Variants in KRCC1 observed in about 807,000 individuals in gnomAD.
The protein encoded by KRCC1 is lysine rich coiled-coil 1, also known as lysine-rich coiled-coil protein 1.
KRCC1 carries 3 observed loss-of-function variants against 7.4 expected under a neutral mutation model. That is an observed-to-expected ratio of 0.40 (90% CI 0.18 to 1.04). KRCC1 has a LOEUF of 1.04. Among genes scored for constraint, KRCC1 ranks in the 50% least tolerant of loss-of-function variants. KRCC1 has a pLI of 0.33. For synonymous variants in KRCC1, 102 were observed against 101.6 expected (o/e 1.00, Z -0.02); for missense variants, 277 against 300.9 (o/e 0.92, Z 0.59).
intron 3 of KRCC1, among the ~76,000 whole-genome samples, chr2:88,033,552 A>C (rs1436135190): frequency 6.6e-6 from 1 of 152,230 alleles, no homozygotes; most frequent in Non-Finnish European, 1.5e-5. Flanking sequence ...AATAAGATTT[A>C]AAAGATGTTG....
intron 1 of KRCC1, among the ~76,000 whole-genome samples, chr2:88,054,197 A>G (rs757695131): frequency 1.3e-5 from 2 of 152,160 alleles, no homozygotes; most frequent in Admixed American, 6.5e-5. Context: ...AGCTCTCCCC[A>G]TCCTTGGAGA....
chr2:88,051,861 A>T (rs1051610261), intron 1 of KRCC1, among the ~76,000 whole-genome samples: 7 of 152,246 alleles, frequency 4.6e-5, no homozygotes, highest in African/African-American at 1.7e-4. Context: ...TAAAGCTGTA[A>T]AAGAACTGAG....
In KRCC1 at chr2:88,027,386, G is replaced by A; in HGVS notation, c.*398C>T. The A allele has an allele frequency of 6.2e-6, 1 of 160,488 alleles. No homozygotes were observed. The allele number at this position is 160,488 out of a possible 1,614,324, so 9.9% of individuals were successfully genotyped here. ...TAAAGGAGAAAAAAATTGCTTCACAGAGAAAAACCAATGAACATAAAATAC... is the reference window on the plus strand; with the variant it reads ...TAAAGGAGAAAAAAATTGCTTCACAAAGAAAAACCAATGAACATAAAATAC... On this transcript the variant is annotated 3_prime_UTR_variant, in exon 4 of 4. Coordinates refer to ENST00000347055, the MANE Select transcript of KRCC1 (RefSeq NM_016618.3).
intron 1 of KRCC1, among the ~76,000 whole-genome samples, chr2:88,038,584 G>C (rs1379571523): frequency 1.3e-5 from 2 of 152,308 alleles, no homozygotes; most frequent in East Asian, 3.9e-4. Flanking sequence ...GTATTGGTCT[G>C]TTCTTACACT....
chr2:88,030,482 T>C lies in KRCC1; in HGVS notation c.-22-1897A>G, dbSNP rs867604060. On this transcript the variant is annotated intron_variant, in intron 3 of 3. Transcript: ENST00000347055. The stretch of plus-strand genomic sequence containing the variant: ...AATGTAACAAATACTTGCTTAAATA[T>C]GGGCAAACTATTTTAACCTATACTT... 1.0e-3 allele frequency among the ~76,000 whole-genome samples: 156 copies of C among 152,130 alleles called. 1 individual carries two copies. The highest frequency in any genetic ancestry group is 6.8e-3 in the Middle Eastern group (2 of 294).
intron 2 of KRCC1, among the ~76,000 whole-genome samples, chr2:88,035,124 G>A (rs895492357): frequency 6.6e-6 from 1 of 152,076 alleles, no homozygotes; most frequent in Non-Finnish European, 1.5e-5. Flanking sequence ...ATAGAATTTC[G>A]CTTGCTTTCA....
chr2:88,047,739 AG>A (rs1357999641), intron 1 of KRCC1, among the ~76,000 whole-genome samples: 6 of 152,076 alleles, frequency 3.9e-5, no homozygotes, highest in Admixed American at 3.3e-4. Flanking sequence ...CATGTTGCCC[AG>A]GCTGGTATCA....
At chr2:88,043,971 G>A (rs1198262802) in intron 1 of KRCC1, among the ~76,000 whole-genome samples, 3 of 152,078 alleles carry the variant, frequency 2.0e-5, no homozygotes, top group Non-Finnish European at 1.5e-5. Flanking sequence ...CACTGCGCCC[G>A]GCCTCACGTT....
chr2:88,048,030 T>C (rs1673381746), intron 1 of KRCC1, among the ~76,000 whole-genome samples: 1 of 152,134 alleles, frequency 6.6e-6, no homozygotes, highest in African/African-American at 2.4e-5. Flanking sequence ...ACATTTTATA[T>C]CTCTCCATCA....
intron 1 of KRCC1, among the ~76,000 whole-genome samples, chr2:88,049,463 T>C (rs889189130): frequency 2.0e-5 from 3 of 152,132 alleles, no homozygotes; most frequent in African/African-American, 7.2e-5. Flanking sequence ...CTAGGCAACA[T>C]GGTGAAACCC....
At chr2:88,039,872 T>C (rs569951851) in intron 1 of KRCC1, among the ~76,000 whole-genome samples, 324 of 152,086 alleles carry the variant, frequency 2.1e-3, no homozygotes, top group Non-Finnish European at 3.2e-3. Flanking sequence ...GACTTTTCCA[T>C]TAAAAATCTT....
intron 3 of KRCC1, among the ~76,000 whole-genome samples, chr2:88,029,879 G>A: frequency 7.0e-6 from 1 of 142,286 alleles, no homozygotes; most frequent in South Asian, 2.2e-4. Flanking sequence ...ATGGAGTCTT[G>A]CCCTATCACC....
chr2:88,030,425 T>C (rs1416446430), intron 3 of KRCC1, among the ~76,000 whole-genome samples: 1 of 151,684 alleles, frequency 6.6e-6, no homozygotes, highest in East Asian at 2.0e-4. Context: ...TTAAATAGTA[T>C]ACAAATTCTG....
intron 1 of KRCC1, among the ~76,000 whole-genome samples, chr2:88,038,859 A>G (rs147909482): frequency 4.9e-4 from 75 of 152,186 alleles, no homozygotes; most frequent in Non-Finnish European, 8.8e-4. Flanking sequence ...AATTACCTCC[A>G]CCTGGTCTCT....
Position 88,040,537 on chromosome 2 carries a change from T to C in KRCC1, c.-290-3486A>G, listed in dbSNP as rs528720986. Among the ~76,000 whole-genome samples, 3 of 152,350 alleles carry C rather than the reference T, an allele frequency of 2.0e-5. No individual in the cohort carries two copies. In the South Asian group the frequency reaches 6.2e-4, roughly 32 times the overall value. On this transcript the variant is annotated intron_variant, in intron 1 of 3. Transcript: ENST00000347055. Reference sequence around the variant, plus strand: ...ACAACAGATTATTGTTTCTGTTTTTTACTTTTGCAAGAATTTCTCATAAAG... The same window carrying C: ...ACAACAGATTATTGTTTCTGTTTTTCACTTTTGCAAGAATTTCTCATAAAG...
At chr2:88,050,911 T>C (rs1673464531) in intron 1 of KRCC1, among the ~76,000 whole-genome samples, 1 of 126,496 alleles carries the variant, frequency 7.9e-6, no homozygotes, top group Non-Finnish European at 1.6e-5. Flanking sequence ...GCCTTCTATA[T>C]CTTCCTTACT....
At chr2:88,040,800 T>C (rs1305931460) in intron 1 of KRCC1, among the ~76,000 whole-genome samples, 2 of 152,120 alleles carry the variant, frequency 1.3e-5, no homozygotes, top group African/African-American at 4.8e-5. Context: ...CTGTAAGACA[T>C]AAGAAGGTAT....
chr2:88,040,807 G>T lies in KRCC1; in HGVS notation c.-290-3756C>A, dbSNP rs866040376. On this transcript the variant is annotated intron_variant, in intron 1 of 3. Coordinates refer to ENST00000347055, the MANE Select transcript of KRCC1 (RefSeq NM_016618.3). ...GTAAAGTGCTGTAAGACATAAGAAG[G>T]TATAATGTGTTCTTGGTGAGGGGTT... Among the ~76,000 whole-genome samples the T allele has an allele frequency of 2.0e-5, 3 of 152,058 alleles. No homozygotes were observed. In the South Asian group the frequency reaches 6.2e-4, roughly 32 times the overall value.
intron 1 of KRCC1, among the ~76,000 whole-genome samples, chr2:88,038,594 T>A (rs1444288936): frequency 6.6e-6 from 1 of 152,216 alleles, no homozygotes. Context: ...GTTCTTACAC[T>A]GTTACAAAGA....
Sources: allele counts gnomAD v4.1 joint callset (sites outside exome capture counted in the v4.1 genomes callset), GRCh38; gene constraint gnomAD v4.1.1; transcripts MANE v1.5; gene names NCBI Gene and HGNC (gene_info 2026-07-23, HGNC 2026-07-21).